ODAD3: variants seen among roughly 807,000 people sequenced by gnomAD.
ODAD3 encodes outer dynein arm docking complex subunit 3, also known as outer dynein arm-docking complex subunit 3.
A neutral mutation model predicts 70.9 loss-of-function variants in ODAD3; 57 were observed. The observed-to-expected ratio is 0.80, with a 90% CI of 0.65 to 1.00. The LOEUF (loss-of-function observed/expected upper bound fraction) is 1.00, where lower values mean the gene tolerates loss of function less well. ODAD3 is among the 50% of genes least tolerant of loss of function. ODAD3 has a pLI of 0.00. For synonymous variants in ODAD3, 327 were observed against 315.9 expected, an observed-to-expected ratio of 1.04 and a Z score of -0.37; for missense variants, 797 against 763.9, an observed-to-expected ratio of 1.04 and a Z score of -0.51.
intron 3 of ODAD3, 36 bp from the exon 4 acceptor site, chr19:11,427,076 A>G: frequency 6.5e-7 from 1 of 1,527,852 alleles, no homozygotes; most frequent in Non-Finnish European, 8.8e-7. Context: ...AGGAGCCTCA[A>G]CACCCTACCC....
chr19:11,425,447 A>G (rs935477649), intron 7 of ODAD3, among the ~76,000 whole-genome samples: 1 of 139,448 alleles, frequency 7.2e-6, no homozygotes, highest in South Asian at 2.2e-4. Flanking sequence ...ATATGTATAT[A>G]TACATATATG....
chr19:11,434,575 G>A, intron 1 of ODAD3, 198 bp downstream of exon 1: 1 of 478,548 alleles, frequency 2.1e-6, no homozygotes, highest in Non-Finnish European at 3.6e-6. Context: ...TTACAAGAAA[G>A]TATGAAGTAC....
Position 11,425,408 on chromosome 19 carries a change from T to C in ODAD3, c.963+736A>G, listed in dbSNP as rs774565941. Among the ~76,000 whole-genome samples, 46 of 111,026 alleles carry C rather than the reference T, an allele frequency of 4.1e-4. 3 individuals are homozygous for C. Among genetic ancestry groups the C allele is most frequent in the Non-Finnish European group, 5.6e-4 (34 of 61,236 alleles). The allele number at this position is 111,026 out of a possible 152,430, so 72.8% of individuals were successfully genotyped here. A position where few individuals can be genotyped will look rare whatever the true frequency, so the allele number is the denominator to read the frequency against. On this transcript the variant is annotated intron_variant, in intron 7 of 12. Transcript: ENST00000356392. ...ATGTACATATGTGTATATGTATATA[T>C]ACATATATGTGTATATACACATATG...
Position 11,420,960 on chromosome 19 carries a change from G to A in ODAD3, c.1676-13C>T. The A allele has an allele frequency of 1.9e-6, 3 of 1,611,068 alleles. No individual in the cohort carries two copies. On this transcript the variant is annotated splice_polypyrimidine_tract_variant and intron_variant, in intron 12 of 12. Coordinates refer to ENST00000356392, the MANE Select transcript of ODAD3 (RefSeq NM_145045.5). ...TCACTCTCTTCGTCTAAGGGGGGTG[G>A]GGGGATGAGCAGGGAGCGATGTGGG...
chr19:11,428,260 G>T (rs909180140), intron 3 of ODAD3, among the ~76,000 whole-genome samples: 2 of 151,570 alleles, frequency 1.3e-5, no homozygotes, highest in Non-Finnish European at 2.9e-5. Flanking sequence ...TTTGTTTTTT[G>T]AGATGGGGTC....
intron 7 of ODAD3, among the ~76,000 whole-genome samples, chr19:11,425,201 A>G (rs1294662773): frequency 2.2e-5 from 3 of 138,400 alleles, no homozygotes; most frequent in Non-Finnish European, 4.5e-5. Context: ...ACATATGTGT[A>G]TGTGTACATA....
chr19:11,422,821 G>A lies in ODAD3; in HGVS notation c.1157C>T (p.Ala386Val), dbSNP rs764410169. Residue 386 changes from alanine to valine, a missense_variant, in exon 9 of 13, where the codon GCG (alanine) becomes GTG (valine). Transcript: ENST00000356392. The surrounding 1 kb of genome is among the most constrained non-coding windows in gnomAD (Gnocchi z 4.6). ...RRFLAQGDTF[A>V]QLETLKSENE... ...CTCGCTCTTGAGCGTCTCCAACTGC[G>A]CGAAGGTGTCGCCCTGGGCCAGGAA... is the stretch of plus-strand genomic sequence containing the variant. The A allele has an allele frequency of 2.5e-6, 4 of 1,607,400 alleles. No individual in the cohort carries two copies. In the South Asian group the frequency reaches 3.3e-5, roughly 13 times the overall value.
chr19:11,424,154 G>T, intron 7 of ODAD3, 125 bp from the exon 8 acceptor site: 3 of 1,249,756 alleles, frequency 2.4e-6, no homozygotes, highest in Non-Finnish European at 3.3e-6. Flanking sequence ...AAGGGAGAGG[G>T]CAAAAGCTTG....
chr19:11,425,367 G>GTACATA, intron 7 of ODAD3, among the ~76,000 whole-genome samples: 1 of 121,390 alleles, frequency 8.2e-6, no homozygotes. Flanking sequence ...ATGTACATAT[G>GTACATA]TGTATATATG....
intron 7 of ODAD3, 32 bp from the exon 8 acceptor site, chr19:11,424,061 A>G (rs1039132115): frequency 2.1e-5 from 33 of 1,592,954 alleles, no homozygotes; most frequent in Non-Finnish European, 2.8e-5. Flanking sequence ...AGCCAGGGTC[A>G]GCTGGTGGAC....
chr19:11,428,361 C>T (rs899711306), intron 3 of ODAD3, among the ~76,000 whole-genome samples: 1 of 152,028 alleles, frequency 6.6e-6, no homozygotes, highest in Admixed American at 6.6e-5. Context: ...TCCTCCTCAG[C>T]GTCCTCAGTT....
At chr19:11,428,861 T>A (rs34098) in intron 3 of ODAD3, among the ~76,000 whole-genome samples, 4,795 of 135,762 alleles carry the variant, frequency 0.035, 178 homozygotes, top group East Asian at 0.12. Context: ...GTGTTTTATT[T>A]TTTATTTATT....
intron 8 of ODAD3, 35 bp downstream of exon 8, chr19:11,423,842 G>C (rs1377515105): frequency 8.4e-7 from 1 of 1,189,296 alleles, no homozygotes; most frequent in African/African-American, 1.5e-5. Flanking sequence ...GGGTGGGGGG[G>C]GGGCGCGGCG....
intron 3 of ODAD3, among the ~76,000 whole-genome samples, chr19:11,430,009 T>C (rs1428337112): frequency 6.6e-6 from 1 of 152,114 alleles, no homozygotes; most frequent in Non-Finnish European, 1.5e-5. Context: ...TGTTTTCGTT[T>C]GTTTGTTTTG....
In ODAD3 at chr19:11,422,721, C is replaced by T. The variant is rs1197244643; in HGVS notation, c.1257G>A (p.Ser419=). 1.9e-6 allele frequency: 3 copies of T among 1,612,634 alleles called. No individual in the cohort carries two copies. The highest frequency in any genetic ancestry group is 1.3e-5 in the African/African-American group (1 of 74,952). Residue 419 remains serine (S), a synonymous_variant, in exon 9 of 13, where the codon TCG becomes TCA. Transcript: ENST00000356392. The surrounding 1 kb of genome is among the most constrained non-coding windows in gnomAD (Gnocchi z 4.6). The part of the protein sequence containing the change: ...LQRELEDLKY[S]GEATLVSQQK... Reference sequence around the variant, plus strand: ...CTCACCTCACCAGCGTGGCCTCCCCCGAGTACTTGAGGTCTTCCAGCTCCC... The same window carrying T: ...CTCACCTCACCAGCGTGGCCTCCCCTGAGTACTTGAGGTCTTCCAGCTCCC...
intron 1 of ODAD3, among the ~76,000 whole-genome samples, chr19:11,432,059 T>C (rs1242879665): frequency 6.6e-6 from 1 of 150,928 alleles, no homozygotes; most frequent in Non-Finnish European, 1.5e-5. Flanking sequence ...TGCATTGAGC[T>C]GAGATCCTGC....
At chr19:11,425,400 T>C (rs1323905515) in intron 7 of ODAD3, among the ~76,000 whole-genome samples, 1 of 138,486 alleles carries the variant, frequency 7.2e-6, no homozygotes, top group Non-Finnish European at 1.5e-5. Context: ...TATGTGTATA[T>C]GTATATATAC....
chr19:11,425,019 A>ATGTATATGTGTATATG (rs1262564408), intron 7 of ODAD3, among the ~76,000 whole-genome samples: 1 of 117,822 alleles, frequency 8.5e-6, no homozygotes, highest in Non-Finnish European at 1.7e-5. Context: ...ATGTGTATAT[A>ATGTATATGTGTATATG]TACATATGTG....
At chr19:11,425,048 T>TATATAC (rs1969261905) in intron 7 of ODAD3, among the ~76,000 whole-genome samples, 4 of 124,044 alleles carry the variant, frequency 3.2e-5, no homozygotes, top group South Asian at 2.4e-4. Flanking sequence ...CATATGTGTA[T>TATATAC]ATATGTGTAT....
Sources: gnomAD v4.1 joint callset for allele counts (sites outside exome capture counted in the v4.1 genomes callset) on GRCh38, gnomAD v4.1.1 for gene constraint, Gnocchi (gnomAD v3.1) non-coding constraint, MANE v1.5 for transcripts, NCBI Gene and HGNC (gene_info 2026-07-23, HGNC 2026-07-21) for gene names.